Variants in KCNA2 observed in about 807,000 individuals in gnomAD.
KCNA2 encodes potassium voltage-gated channel subfamily A member 2, also known as potassium channel, voltage gated shaker related subfamily A, member 2.
A neutral mutation model predicts 33.4 loss-of-function variants in KCNA2; 11 were observed. The ratio of observed to expected loss-of-function variants is 0.33; its 90% confidence interval spans 0.21 to 0.55. The LOEUF is 0.55. Ranked by LOEUF, KCNA2 falls within the 20% of genes least tolerant of loss-of-function variation. KCNA2 has a pLI of 0.93. For missense variants in KCNA2, 291 were observed against 621.6 expected (o/e 0.47, Z 5.66); for synonymous variants, 222 against 231.3 (o/e 0.96, Z 0.37).
At chr1:110,626,299 T>C (rs1650388796) in intron 1 of KCNA2, among the ~76,000 whole-genome samples, 1 of 152,188 alleles carries the variant, frequency 6.6e-6, no homozygotes, top group Non-Finnish European at 1.5e-5. Flanking sequence ...TTCTATGTTT[T>C]GATACAGAAA....
chr1:110,618,261 C>A (rs1650134931), intron 1 of KCNA2, among the ~76,000 whole-genome samples: 2 of 152,204 alleles, frequency 1.3e-5, no homozygotes, highest in African/African-American at 2.4e-5. Context: ...GTGGGAGGAT[C>A]ACTTGAGTCC....
Position 110,601,536 on chromosome 1 carries a change from C to T in KCNA2, c.*1747G>A. 1 of 986,616 alleles carries T rather than the reference C, an allele frequency of 1.0e-6. No individual in the cohort carries two copies. 61.1% of individuals were successfully genotyped at this position (986,616 alleles called of 1,614,324 possible). The stretch of plus-strand genomic sequence containing the variant: ...CCAGGACAGCTGGAACTGTGAGGGC[C>T]ACAGGGCCCTTGTGCACTCAGTAAG... On this transcript the variant is annotated 3_prime_UTR_variant, in exon 3 of 3. Coordinates refer to ENST00000316361, the MANE Select transcript of KCNA2 (RefSeq NM_004974.4).
At chr1:110,607,780 A>G (rs1416516442), upstream of KCNA2, 1 of 152,042 alleles carries the variant, frequency 6.6e-6, no homozygotes, top group African/African-American at 2.4e-5. Flanking sequence ...ACGTGTTGCT[A>G]TTATTGTGGT....
chr1:110,609,738 C>T (rs114210232), upstream of KCNA2, among the ~76,000 whole-genome samples: 1,459 of 152,188 alleles, frequency 9.6e-3, 32 homozygotes, highest in African/African-American at 0.033. Flanking sequence ...AAAAAAGAAC[C>T]ATCATAACAG....
In KCNA2 at chr1:110,594,115, A is replaced by G. The variant is rs1648983034; in HGVS notation, c.*9168T>C. On this transcript the variant is annotated 3_prime_UTR_variant, in exon 3 of 3. Coordinates refer to ENST00000316361, the MANE Select transcript of KCNA2 (RefSeq NM_004974.4). ...AGCCTTGGAGTTCCTTCTGCTATTG[A>G]TCCCAAGGAGGCTTATTTATCTACC... The G allele has an allele frequency of 7.9e-6, 11 of 1,397,556 alleles. No homozygotes were observed. The South Asian group carries it at 1.8e-4, about 23-fold the overall frequency. The allele number at this position is 1,397,556 out of a possible 1,614,324, so 86.6% of individuals were successfully genotyped here. A position where few individuals can be genotyped will look rare whatever the true frequency, so the allele number is the denominator to read the frequency against.
In KCNA2 at chr1:110,594,830, C is replaced by T; in HGVS notation, c.*8453G>A. The T allele has an allele frequency of 1.0e-6, 1 of 985,406 alleles. No individual in the cohort carries two copies. Among genetic ancestry groups the T allele is most frequent in the African/African-American group, 1.7e-5 (1 of 57,330 alleles). The allele number at this position is 985,406 out of a possible 1,614,324, so 61.0% of individuals were successfully genotyped here. On this transcript the variant is annotated 3_prime_UTR_variant, in exon 3 of 3. Transcript: ENST00000316361. ...TTTCTTAGCCTGGAGCTGATGTGCT[C>T]CTTTCCAGCCCCACCTGGCAGGTCA...
At position 110,597,633 on chromosome 1, in the gene KCNA2, G is replaced by C; in HGVS notation, c.*5650C>G. On this transcript the variant is annotated 3_prime_UTR_variant, in exon 3 of 3. Transcript: ENST00000316361. ...AGGAGGTCAGATCTCAAGAGGACAG[G>C]AGTCATGTGAACACGTGGGAAGAAG... 1.8e-5 allele frequency: 18 copies of C among 985,402 alleles called. No individual in the cohort carries two copies. Among genetic ancestry groups the C allele is most frequent in the Non-Finnish European group, 2.2e-5 (18 of 829,934 alleles). The allele number at this position is 985,402 out of a possible 1,614,324, so 61.0% of individuals were successfully genotyped here. A position where few individuals can be genotyped will look rare whatever the true frequency, so the allele number is the denominator to read the frequency against.
chr1:110,618,276 G>A (rs994332214), intron 1 of KCNA2, among the ~76,000 whole-genome samples: 4 of 152,236 alleles, frequency 2.6e-5, no homozygotes, highest in Non-Finnish European at 5.9e-5. Context: ...GAGTCCAAGA[G>A]TTCGAGGTTA....
In KCNA2 at chr1:110,602,235, C is replaced by A; in HGVS notation, c.*1048G>T. 1 of 1,536,516 alleles carries A rather than the reference C, an allele frequency of 6.5e-7. No homozygotes were observed. Among genetic ancestry groups the A allele is most frequent in the South Asian group, 1.2e-5 (1 of 82,700 alleles). On this transcript the variant is annotated 3_prime_UTR_variant, in exon 3 of 3. Coordinates refer to ENST00000316361, the MANE Select transcript of KCNA2 (RefSeq NM_004974.4). ...AAGTTTTAGTTCCATTCCAAATAGT[C>A]TATTTTTTTTCCCCTGATGGAGGGA...
At chr1:110,621,754 C>A (rs1178256201) in intron 1 of KCNA2, among the ~76,000 whole-genome samples, 1 of 152,130 alleles carries the variant, frequency 6.6e-6, no homozygotes. Context: ...TGGAGAAATT[C>A]CGTGAGAGAC....
rs192578150 is a variant in KCNA2, at chr1:110,611,482, A to G, written c.-495-5760T>C. Among the ~76,000 whole-genome samples, 113 of 152,330 alleles carry G rather than the reference A, an allele frequency of 7.4e-4. 1 individual carries two copies. The highest frequency in any genetic ancestry group is 2.7e-3 in the African/African-American group (113 of 41,570). Reference sequence around the variant, plus strand: ...GGTGGCTCATGCCTATAATCCCAGTAATTTGGGAGGCTGAGGTGGGAGGAT... The same window carrying G: ...GGTGGCTCATGCCTATAATCCCAGTGATTTGGGAGGCTGAGGTGGGAGGAT... On this transcript the variant is annotated intron_variant, in intron 1 of 4. Coordinates refer to the KCNA2 transcript ENST00000369770.
At chr1:110,615,138 G>A (rs146776114) in intron 1 of KCNA2, among the ~76,000 whole-genome samples, 10 of 152,288 alleles carry the variant, frequency 6.6e-5, no homozygotes, top group Admixed American at 3.3e-4. Flanking sequence ...TTCAACCTGA[G>A]GAAAATGACT....
rs1358968086 is a variant in KCNA2 at position 110,598,079 on chromosome 1, C to G, written c.*5204G>C. ...GCATCCCCCTCTCTGCGCGTTGGCT[C>G]AGGTGACTGATGATGTTAATGAGGT... On this transcript the variant is annotated 3_prime_UTR_variant, in exon 3 of 3. Transcript: ENST00000316361. 1.0e-6 allele frequency: 1 copy of G among 985,136 alleles called. No homozygotes were observed. The highest frequency in any genetic ancestry group is 1.2e-6 in the Non-Finnish European group (1 of 829,830). The allele number at this position is 985,136 out of a possible 1,614,324, so 61.0% of individuals were successfully genotyped here. A position where few individuals can be genotyped will look rare whatever the true frequency, so the allele number is the denominator to read the frequency against.
chr1:110,595,942 C>T lies in KCNA2; in HGVS notation c.*7341G>A. 1.0e-6 allele frequency: 1 copy of T among 985,412 alleles called. No homozygotes were observed. The highest frequency in any genetic ancestry group is 1.1e-4 in the East Asian group (1 of 8,822). The allele number at this position is 985,412 out of a possible 1,614,324, so 61.0% of individuals were successfully genotyped here. A position where few individuals can be genotyped will look rare whatever the true frequency, so the allele number is the denominator to read the frequency against. ...GCCAGGTCTTCAAGCTTTCCACTCC[C>T]CTCGAGTACAAAGTTTGGAATAACT... On this transcript the variant is annotated 3_prime_UTR_variant, in exon 3 of 3. Coordinates refer to ENST00000316361, the MANE Select transcript of KCNA2 (RefSeq NM_004974.4).
intron 1 of KCNA2, among the ~76,000 whole-genome samples, chr1:110,621,893 C>T (rs1570766682): frequency 6.6e-6 from 1 of 152,082 alleles, no homozygotes; most frequent in Non-Finnish European, 1.5e-5. Context: ...AAGAAAATTC[C>T]AGGTTCAGAT....
Position 110,601,794 on chromosome 1 carries a change from ATGTGTGTGTGTGTGTG to A in KCNA2, c.*1473_*1488del, listed in dbSNP as rs35728918. 3.2e-5 allele frequency: 27 copies of A among 840,486 alleles called. No individual in the cohort carries two copies. In the South Asian group the frequency reaches 4.8e-4, roughly 15 times the overall value. The allele number at this position is 840,486 out of a possible 1,614,324, so 52.1% of individuals were successfully genotyped here. A position where few individuals can be genotyped will look rare whatever the true frequency, so the allele number is the denominator to read the frequency against. On this transcript the variant is annotated 3_prime_UTR_variant, in exon 3 of 3. Transcript: ENST00000316361. ...AGAAAATGAATATATATATATATAT[ATGTGTGTGTGTGTGTG>A]TGTGTGTGTGTGTGTGTGTATACAT...
At chr1:110,610,291 G>A (rs1649823394), upstream of KCNA2, among the ~76,000 whole-genome samples, 1 of 152,200 alleles carries the variant, frequency 6.6e-6, no homozygotes, top group Admixed American at 6.5e-5. Context: ...GGGACTGGAG[G>A]GAGAATCTCT....
rs1349441367 is a variant in KCNA2, at chr1:110,602,359, G to C, written c.*924C>G. ...ACTGTGTAGGCTACTAGGAAAATAG[G>C]TTATCTCCTGTGTTTTAAATATTGA... On this transcript the variant is annotated 3_prime_UTR_variant, in exon 3 of 3. Transcript: ENST00000316361. The C allele has an allele frequency of 2.8e-6, 4 of 1,409,896 alleles. No individual in the cohort carries two copies. 87.3% of individuals were successfully genotyped at this position (1,409,896 alleles called of 1,614,324 possible).
At position 110,599,831 on chromosome 1, in the gene KCNA2, G is replaced by C; in HGVS notation, c.*3452C>G. 1 of 985,514 alleles carries C rather than the reference G, an allele frequency of 1.0e-6. No individual in the cohort carries two copies. Among genetic ancestry groups the C allele is most frequent in the Non-Finnish European group, 1.2e-6 (1 of 830,030 alleles). The allele number at this position is 985,514 out of a possible 1,614,324, so 61.0% of individuals were successfully genotyped here. A position where few individuals can be genotyped will look rare whatever the true frequency, so the allele number is the denominator to read the frequency against. On this transcript the variant is annotated 3_prime_UTR_variant, in exon 3 of 3. Transcript: ENST00000316361. ...GCTATTGGGTTGTCTGTGCGGATTT[G>C]CTGGAAGGAAGGAAGGGTCATGGCA...
Sources: gnomAD v4.1 joint callset for allele counts (sites outside exome capture counted in the v4.1 genomes callset) on GRCh38, gnomAD v4.1.1 for gene constraint, MANE v1.5 for transcripts, NCBI Gene and HGNC (gene_info 2026-07-23, HGNC 2026-07-21) for gene names.